The following COBL variants were observed in gnomAD, a reference collection of about 807,000 sequenced individuals.
COBL encodes the protein cordon-bleu WH2 repeat protein, also known as protein cordon-bleu.
A neutral mutation model predicts 98.8 loss-of-function variants in COBL; 51 were observed. That is an observed-to-expected ratio of 0.52 (90% CI 0.41 to 0.65). The LOEUF is 0.65. Ranked by LOEUF, COBL falls within the 30% of genes least tolerant of loss-of-function variation. The pLI is 0.00. For synonymous variants in COBL, 634 were observed against 651.7 expected, an observed-to-expected ratio of 0.97 and a Z score of 0.41; for missense variants, 1,617 against 1,617.5, an observed-to-expected ratio of 1.00 and a Z score of 0.01.
At chr7:51,086,799 C>T (rs1382442638) in intron 6 of COBL, among the ~76,000 whole-genome samples, 2 of 151,988 alleles carry the variant, frequency 1.3e-5, no homozygotes, top group Non-Finnish European at 2.9e-5. Flanking sequence ...ACTATTTTTT[C>T]TTCTAAAAAT....
chr7:51,070,708 T>C (rs1792453853), intron 7 of COBL: 1 of 152,192 alleles, frequency 6.6e-6, no homozygotes, highest in African/African-American at 2.4e-5. Flanking sequence ...CAAATTAGCA[T>C]GAAAACTGTG....
At chr7:51,272,935 A>G (rs898189924) in intron 1 of COBL, among the ~76,000 whole-genome samples, 5 of 150,710 alleles carry the variant, frequency 3.3e-5, no homozygotes, top group Admixed American at 2.0e-4. Context: ...GTTTTCATCT[A>G]TGGAACACAA....
At chr7:51,084,814 A>G (rs1202281164) in intron 7 of COBL, among the ~76,000 whole-genome samples, 1 of 152,154 alleles carries the variant, frequency 6.6e-6, no homozygotes, top group Non-Finnish European at 1.5e-5. Flanking sequence ...TGTCCTTCAA[A>G]GCAGTTTCCA....
At chr7:51,265,069 G>A (rs987696615) in intron 1 of COBL, among the ~76,000 whole-genome samples, 15 of 152,122 alleles carry the variant, frequency 9.9e-5, no homozygotes, top group Admixed American at 3.9e-4. Context: ...ACAGCAGCCC[G>A]ATGCCCGACA....
intron 3 of COBL, among the ~76,000 whole-genome samples, chr7:51,191,435 G>C (rs1790107576): frequency 6.6e-6 from 1 of 151,710 alleles, no homozygotes; most frequent in African/African-American, 2.4e-5. Flanking sequence ...AAAAAAGTTT[G>C]GAAGCAGTAT....
In COBL at chr7:51,316,665, C is replaced by T; in HGVS notation, c.-32G>A. 1.7e-6 allele frequency: 2 copies of T among 1,190,532 alleles called. No individual in the cohort carries two copies. Among genetic ancestry groups the T allele is most frequent in the South Asian group, 4.2e-5 (1 of 24,000 alleles). The allele number at this position is 1,190,532 out of a possible 1,614,324, so 73.7% of individuals were successfully genotyped here. On this transcript the variant is annotated 5_prime_UTR_variant, in exon 1 of 13. Transcript: ENST00000265136. ...GGGGGCCGGGACGCGGGCGGTGCTCCGGGCCCGCCGAGTCAGGCGCTGGCT... is the reference window on the plus strand; with the variant it reads ...GGGGGCCGGGACGCGGGCGGTGCTCTGGGCCCGCCGAGTCAGGCGCTGGCT...
At chr7:51,150,680 G>T (rs533601940) in intron 5 of COBL, among the ~76,000 whole-genome samples, 1 of 152,022 alleles carries the variant, frequency 6.6e-6, no homozygotes, top group African/African-American at 2.4e-5. Context: ...CAACTACTTC[G>T]CCACTTTCAG....
chr7:51,124,012 C>T (rs1303545093), intron 6 of COBL, among the ~76,000 whole-genome samples: 1 of 152,182 alleles, frequency 6.6e-6, no homozygotes, highest in Non-Finnish European at 1.5e-5. Flanking sequence ...GCCCTGGGAC[C>T]TCACTTTCCC....
At chr7:51,042,941 G>C (rs989958911) in intron 8 of COBL, among the ~76,000 whole-genome samples, 1 of 152,214 alleles carries the variant, frequency 6.6e-6, no homozygotes, top group African/African-American at 2.4e-5. Context: ...TAAAGCTGAA[G>C]ATGAGTCTCT....
intron 1 of COBL, among the ~76,000 whole-genome samples, chr7:51,306,330 C>T (rs1405152295): frequency 3.9e-5 from 6 of 152,168 alleles, no homozygotes; most frequent in East Asian, 1.9e-4. Flanking sequence ...AAAAGCATCA[C>T]CCAGCTCATT....
intron 2 of COBL, among the ~76,000 whole-genome samples, chr7:51,216,200 G>T (rs1442970236): frequency 6.6e-6 from 1 of 151,698 alleles, no homozygotes; most frequent in Non-Finnish European, 1.5e-5. Flanking sequence ...TCTTTTTTTT[G>T]ACGGAGTCTC....
chr7:51,106,540 C>T (rs1796288596), intron 6 of COBL, among the ~76,000 whole-genome samples: 1 of 152,076 alleles, frequency 6.6e-6, no homozygotes, highest in Admixed American at 6.6e-5. Context: ...AGGCCTGTAC[C>T]CAAGGTATAG....
In COBL at chr7:51,028,179, T is replaced by G; in HGVS notation, c.2917A>C (p.Ser973Arg). Reference sequence around the variant, plus strand: ...GACTGAACCAGTGAGAAACAGGAGCTTCTGTGGATAGCAGCAGGTCTGTCC... The same window carrying G: ...GACTGAACCAGTGAGAAACAGGAGCGTCTGTGGATAGCAGCAGGTCTGTCC... The part of the protein sequence containing the change: ...TQDRPAAIHR[S>R]SCFSLVQSSQ... The change falls in exon 10 of 13, where the codon AGC becomes CGC. Residue 973 changes from serine to arginine, a missense_variant. By Grantham distance (110) the Ser-to-Arg change is moderately radical. Coordinates refer to ENST00000265136, the MANE Select transcript of COBL (RefSeq NM_015198.5). The G allele has an allele frequency of 6.2e-7, 1 of 1,614,248 alleles. No individual in the cohort carries two copies. Among genetic ancestry groups the G allele is most frequent in the Non-Finnish European group, 8.5e-7 (1 of 1,180,044 alleles).
In COBL at chr7:51,089,769, T is replaced by G. The variant is rs1421657802; in HGVS notation, c.958-4465A>C. ...GATGATCTGATATACATATCTATAGTGAAATAATCACAAGCAAGCTAATTA... is the reference window on the plus strand; with the variant it reads ...GATGATCTGATATACATATCTATAGGGAAATAATCACAAGCAAGCTAATTA... On this transcript the variant is annotated intron_variant, in intron 6 of 12. Transcript: ENST00000265136. Among the ~76,000 whole-genome samples, 5 of 152,160 alleles carry G rather than the reference T, an allele frequency of 3.3e-5. No homozygotes were observed. In the East Asian group the frequency reaches 9.7e-4, roughly 29 times the overall value.
intron 6 of COBL, among the ~76,000 whole-genome samples, chr7:51,099,942 T>C (rs561672413): frequency 1.3e-5 from 2 of 152,312 alleles, no homozygotes; most frequent in East Asian, 1.9e-4. Context: ...TGGTGTGATG[T>C]GGTGTTCTAG....
chr7:51,043,273 G>C (rs929462771), intron 8 of COBL, 110 bp downstream of exon 8: 11 of 1,069,440 alleles, frequency 1.0e-5, no homozygotes, highest in Non-Finnish European at 1.5e-5. Context: ...GGGGCCCCTG[G>C]TGCAGAGCAG....
At chr7:51,052,958 C>T (rs959393304) in intron 7 of COBL, among the ~76,000 whole-genome samples, 2 of 152,134 alleles carry the variant, frequency 1.3e-5, no homozygotes, top group East Asian at 3.9e-4. Context: ...CTGTTTGACA[C>T]AGCATCCTCT....
At chr7:51,018,967 A>AT (rs1164466510) in intron 12 of COBL, among the ~76,000 whole-genome samples, 140 of 115,554 alleles carry the variant, frequency 1.2e-3, no homozygotes, top group Non-Finnish European at 2.3e-3. Context: ...TTTTTTTGCA[A>AT]TTTTTTTTAA....
intron 1 of COBL, among the ~76,000 whole-genome samples, chr7:51,264,221 GTTCCTCACAA>G (rs766012287): frequency 3.3e-5 from 5 of 152,184 alleles, no homozygotes; most frequent in Non-Finnish European, 5.9e-5. Flanking sequence ...TTGGGGATCT[GTTCCTCACAA>G]TGGCAGGGCA....
Sources: allele counts gnomAD v4.1 joint callset (sites outside exome capture counted in the v4.1 genomes callset), GRCh38; gene constraint gnomAD v4.1.1; transcripts MANE v1.5; gene names NCBI Gene and HGNC (gene_info 2026-07-23, HGNC 2026-07-21).